The following UST variants were observed in gnomAD, a reference collection of about 807,000 sequenced individuals.
UST encodes the protein uronyl 2-sulfotransferase, also known as chondroitin sulfate 2-O-sulfotransferase.
A neutral mutation model predicts 45.6 loss-of-function variants in UST; 21 were observed. The ratio of observed to expected loss-of-function variants is 0.46; its 90% CI spans 0.33 to 0.66. The LOEUF (loss-of-function observed/expected upper bound fraction) is 0.66. Ranked by LOEUF, UST falls within the 30% of genes least tolerant of loss-of-function variation. The pLI is 0.02. For missense variants in UST, 463 were observed against 512.4 expected (o/e 0.90, Z 0.93); for synonymous variants, 215 against 200.6 (o/e 1.07, Z -0.61).
intron 1 of UST, among the ~76,000 whole-genome samples, chr6:148,848,861 T>G (rs1562276210): frequency 6.6e-6 from 1 of 151,924 alleles, no homozygotes; most frequent in Non-Finnish European, 1.5e-5. Flanking sequence ...GAGGGGCCGG[T>G]AGTGTGGCTC....
chr6:149,002,867 G>C (rs1055621023), intron 5 of UST, among the ~76,000 whole-genome samples: 1 of 152,096 alleles, frequency 6.6e-6, no homozygotes, highest in South Asian at 2.1e-4. Flanking sequence ...AAAATAATGA[G>C]AACTACCAAG....
intron 7 of UST, among the ~76,000 whole-genome samples, chr6:149,064,604 A>G (rs1334677363): frequency 6.6e-6 from 1 of 152,216 alleles, no homozygotes; most frequent in Non-Finnish European, 1.5e-5. Context: ...GTGAGGCCTA[A>G]TTGAAGCCTT....
chr6:149,022,800 C>G (rs1219532966), intron 7 of UST, among the ~76,000 whole-genome samples: 1 of 152,106 alleles, frequency 6.6e-6, no homozygotes, highest in Non-Finnish European at 1.5e-5. Flanking sequence ...CAGGGACTTG[C>G]TGAAGGAAGG....
At chr6:148,923,122 T>TA (rs200762421) in intron 2 of UST, among the ~76,000 whole-genome samples, 3,728 of 152,030 alleles carry the variant, frequency 0.025, 68 homozygotes, top group Non-Finnish European at 0.038. Flanking sequence ...CTCCCACCCT[T>TA]AAAAAAAATG....
At chr6:148,965,452 A>G (rs937858703) in intron 5 of UST, among the ~76,000 whole-genome samples, 1 of 152,168 alleles carries the variant, frequency 6.6e-6, no homozygotes, top group African/African-American at 2.4e-5. Flanking sequence ...GTTGAGGATC[A>G]GTCAGAGGTG....
Position 148,964,576 on chromosome 6 carries a change from G to T in UST, c.681+13G>T. On this transcript the variant is annotated intron_variant, in intron 5 of 7. Coordinates refer to ENST00000367463, the MANE Select transcript of UST (RefSeq NM_005715.3). Reference sequence around the variant, plus strand: ...GGAGCGCTACCTGGTAAGTCCTGTCGCATGCAAAAGGCGGTCTCCCCACTG... The same window carrying T: ...GGAGCGCTACCTGGTAAGTCCTGTCTCATGCAAAAGGCGGTCTCCCCACTG... The T allele has an allele frequency of 1.2e-6, 2 of 1,612,496 alleles. No homozygotes were observed. The highest frequency in any genetic ancestry group is 2.2e-5 in the South Asian group (2 of 90,996).
chr6:149,050,426 A>AT (rs1320502253), intron 7 of UST, among the ~76,000 whole-genome samples: 1 of 152,228 alleles, frequency 6.6e-6, no homozygotes, highest in Non-Finnish European at 1.5e-5. Context: ...TAAAGTCTTC[A>AT]TGCTGTGATA....
chr6:148,760,119 A>G (rs891935637), intron 1 of UST, among the ~76,000 whole-genome samples: 7 of 152,212 alleles, frequency 4.6e-5, no homozygotes, highest in African/African-American at 1.7e-4. Context: ...ATTTTAGGCC[A>G]TCGTTGTCAT....
chr6:148,916,402 G>A (rs773111439), intron 2 of UST, among the ~76,000 whole-genome samples: 11 of 152,186 alleles, frequency 7.2e-5, no homozygotes, highest in African/African-American at 2.4e-4. Flanking sequence ...GGAAGCAAGG[G>A]GAGGGAGAAT....
chr6:148,970,326 G>GT (rs749424627), intron 5 of UST, among the ~76,000 whole-genome samples: 1 of 152,184 alleles, frequency 6.6e-6, no homozygotes, highest in Non-Finnish European at 1.5e-5. Context: ...TGTGTAGTGT[G>GT]TAGCAGGTTA....
intron 7 of UST, among the ~76,000 whole-genome samples, chr6:149,054,574 T>C (rs1354232500): frequency 6.6e-6 from 1 of 152,122 alleles, no homozygotes; most frequent in Non-Finnish European, 1.5e-5. Flanking sequence ...AAAACTCTGC[T>C]ATTGTCGGGG....
At chr6:148,849,648 A>C (rs1778067234) in intron 1 of UST, among the ~76,000 whole-genome samples, 1 of 152,294 alleles carries the variant, frequency 6.6e-6, no homozygotes, top group African/African-American at 2.4e-5. Flanking sequence ...ACAGGGCAGC[A>C]GGAGAGAGAA....
At chr6:148,754,151 T>C (rs563772367) in intron 1 of UST, among the ~76,000 whole-genome samples, 2 of 152,096 alleles carry the variant, frequency 1.3e-5, no homozygotes, top group South Asian at 4.2e-4. Flanking sequence ...GCCGCCACCA[T>C]GCCTGGCTAA....
intron 1 of UST, among the ~76,000 whole-genome samples, chr6:148,761,966 A>C (rs1394937475): frequency 1.3e-5 from 2 of 152,212 alleles, no homozygotes; most frequent in Non-Finnish European, 2.9e-5. Flanking sequence ...ACATAAATAT[A>C]AAAACCAAAT....
intron 1 of UST, among the ~76,000 whole-genome samples, chr6:148,789,508 A>G (rs1026458794): frequency 2.6e-5 from 4 of 151,880 alleles, no homozygotes; most frequent in African/African-American, 9.7e-5. Context: ...TTATTTATAT[A>G]AATGTTTTTG....
At chr6:148,921,350 G>T (rs1006696061) in intron 2 of UST, among the ~76,000 whole-genome samples, 5 of 152,216 alleles carry the variant, frequency 3.3e-5, no homozygotes, top group Non-Finnish European at 5.9e-5. Flanking sequence ...GTGAACAGGA[G>T]AATCGCCCAG....
intron 4 of UST, 137 bp from the exon 5 acceptor site, chr6:148,964,273 A>C: frequency 1.0e-6 from 1 of 1,003,986 alleles, no homozygotes; most frequent in Non-Finnish European, 1.5e-6. Flanking sequence ...CCGTTTGCTT[A>C]TTACGTGTCA....
chr6:148,779,127 T>C (rs1235284639), intron 1 of UST, among the ~76,000 whole-genome samples: 3 of 150,408 alleles, frequency 2.0e-5, no homozygotes, highest in Non-Finnish European at 3.0e-5. Flanking sequence ...TTTTTTTTTT[T>C]CAACCAGAAA....
intron 1 of UST, among the ~76,000 whole-genome samples, chr6:148,857,256 G>A (rs1337367222): frequency 1.3e-5 from 2 of 152,088 alleles, no homozygotes; most frequent in Non-Finnish European, 2.9e-5. Context: ...CACGGTCAGA[G>A]CCCCCTAAGC....
Sources: gnomAD v4.1 joint callset for allele counts (sites outside exome capture counted in the v4.1 genomes callset) on GRCh38, gnomAD v4.1.1 for gene constraint, MANE v1.5 for transcripts, NCBI Gene and HGNC (gene_info 2026-07-23, HGNC 2026-07-21) for gene names.